Variants in NTM observed in about 807,000 individuals in gnomAD.
NTM encodes IgLON family member 2.
In NTM, 13 loss-of-function variants were observed where a neutral mutation model predicts 42.1. That is an observed-to-expected ratio of 0.31 (90% CI 0.20 to 0.49). NTM has a LOEUF of 0.49. Ranked by LOEUF, NTM falls within the 20% of genes least tolerant of loss-of-function variation. The pLI is 0.99. For missense variants in NTM, 373 were observed against 452.8 expected, an observed-to-expected ratio of 0.82 and a Z score of 1.60; for synonymous variants, 187 against 179.2, an observed-to-expected ratio of 1.04 and a Z score of -0.35.
At chr11:132,313,088 G>T (rs1449149271) in intron 6 of NTM, among the ~76,000 whole-genome samples, 1 of 152,176 alleles carries the variant, frequency 6.6e-6, no homozygotes, top group Non-Finnish European at 1.5e-5. Flanking sequence ...CAAGGTTACT[G>T]TAAGTTGCAG....
At chr11:131,736,180 C>T (rs2080409128) in intron 1 of NTM, among the ~76,000 whole-genome samples, 2 of 152,082 alleles carry the variant, frequency 1.3e-5, no homozygotes, top group Non-Finnish European at 2.9e-5. Flanking sequence ...GTGACTTGTC[C>T]AAAGTCACCT....
At chr11:132,300,564 G>A (rs567200625) in intron 4 of NTM, among the ~76,000 whole-genome samples, 1 of 152,172 alleles carries the variant, frequency 6.6e-6, no homozygotes, top group Non-Finnish European at 1.5e-5. Context: ...GCCTACAGAA[G>A]CTATCCTATG....
chr11:131,815,648 G>T (rs146575194), intron 1 of NTM, among the ~76,000 whole-genome samples: 12 of 151,944 alleles, frequency 7.9e-5, no homozygotes, highest in South Asian at 2.1e-4. Context: ...TGCTGCCCGC[G>T]CCTCTCCCCC....
intron 1 of NTM, among the ~76,000 whole-genome samples, chr11:131,867,868 T>C (rs1358325764): frequency 6.6e-6 from 1 of 152,142 alleles, no homozygotes; most frequent in Non-Finnish European, 1.5e-5. Context: ...CAGATGGAGC[T>C]GAAGGTACAG....
At chr11:131,870,905 T>C (rs1471954352) in intron 1 of NTM, among the ~76,000 whole-genome samples, 1 of 152,176 alleles carries the variant, frequency 6.6e-6, no homozygotes, top group Non-Finnish European at 1.5e-5. Flanking sequence ...AAAATAGTCC[T>C]ATTTCAGACC....
At chr11:131,578,883 AG>A in intron 1 of NTM, among the ~76,000 whole-genome samples, 1 of 152,320 alleles carries the variant, frequency 6.6e-6, no homozygotes, top group East Asian at 1.9e-4. Flanking sequence ...ATAAGGTTCA[AG>A]CAGAGTATCC....
At chr11:131,379,699 G>A (rs1942412005) in intron 1 of NTM, among the ~76,000 whole-genome samples, 1 of 152,178 alleles carries the variant, frequency 6.6e-6, no homozygotes, top group South Asian at 2.1e-4. Flanking sequence ...GACTGGTCTA[G>A]TTTTTCTACA....
intron 1 of NTM, among the ~76,000 whole-genome samples, chr11:131,798,803 T>C (rs1527779): frequency 0.72 from 109,960 of 151,694 alleles, 40,326 homozygotes; most frequent in East Asian, 0.8. Context: ...AGATGGATAA[T>C]AACCCTCTGT....
chr11:131,932,111 G>A (rs1008760585), intron 2 of NTM, among the ~76,000 whole-genome samples: 6 of 152,244 alleles, frequency 3.9e-5, no homozygotes, highest in Non-Finnish European at 5.9e-5. Context: ...TGCCAACCAT[G>A]TGCCAGGCAC....
At chr11:131,493,176 C>A (rs1954977801) in intron 1 of NTM, among the ~76,000 whole-genome samples, 1 of 152,002 alleles carries the variant, frequency 6.6e-6, no homozygotes. Context: ...GAGGTTGATG[C>A]CGTAGTGAGC....
chr11:131,614,312 A>C (rs1162422020), intron 1 of NTM, among the ~76,000 whole-genome samples: 1 of 152,208 alleles, frequency 6.6e-6, no homozygotes, highest in Non-Finnish European at 1.5e-5. Flanking sequence ...CCATGCCCAG[A>C]AGGGCCGTGC....
chr11:132,207,903 A>G (rs567170528), intron 3 of NTM, among the ~76,000 whole-genome samples: 81 of 152,336 alleles, frequency 5.3e-4, no homozygotes, highest in South Asian at 4.8e-3. Context: ...CTGTGTCACC[A>G]TACATTAGAA....
At chr11:132,062,982 G>A (rs1331843925) in intron 2 of NTM, among the ~76,000 whole-genome samples, 1 of 152,096 alleles carries the variant, frequency 6.6e-6, no homozygotes, top group East Asian at 1.9e-4. Flanking sequence ...GACTTTTTGG[G>A]CTCCTAGAGC....
At chr11:131,438,783 G>A (rs1171174404) in intron 1 of NTM, among the ~76,000 whole-genome samples, 1 of 152,164 alleles carries the variant, frequency 6.6e-6, no homozygotes, top group Non-Finnish European at 1.5e-5. Context: ...GGCTACTTCT[G>A]TCAGCTCATC....
chr11:131,438,475 C>T (rs1250289195), intron 1 of NTM, among the ~76,000 whole-genome samples: 3 of 152,118 alleles, frequency 2.0e-5, no homozygotes, highest in African/African-American at 2.4e-5. Flanking sequence ...AGACTTTGTT[C>T]GTTTCCTTTT....
chr11:131,418,590 G>A (rs746014833), intron 1 of NTM, among the ~76,000 whole-genome samples: 31 of 152,278 alleles, frequency 2.0e-4, no homozygotes, highest in Non-Finnish European at 4.0e-4. Flanking sequence ...GGGATTAGGG[G>A]CACCATGATT....
chr11:131,602,428 C>T (rs1002353916), intron 1 of NTM, among the ~76,000 whole-genome samples: 1 of 152,160 alleles, frequency 6.6e-6, no homozygotes, highest in Non-Finnish European at 1.5e-5. Flanking sequence ...AGTCGGTCTC[C>T]TCAATGCTTC....
intron 2 of NTM, among the ~76,000 whole-genome samples, chr11:131,953,530 A>C (rs1010559601): frequency 2.6e-5 from 4 of 152,218 alleles, no homozygotes; most frequent in Non-Finnish European, 5.9e-5. Flanking sequence ...TATTTGGGAA[A>C]AAATAGACAA....
At chr11:131,562,935 G>A (rs2056419545) in intron 1 of NTM, among the ~76,000 whole-genome samples, 1 of 152,138 alleles carries the variant, frequency 6.6e-6, no homozygotes, top group Admixed American at 6.5e-5. Flanking sequence ...ATATGCATGA[G>A]GTCTGCAGAC....
Sources: gnomAD v4.1 joint callset for allele counts (sites outside exome capture counted in the v4.1 genomes callset) on GRCh38, gnomAD v4.1.1 for gene constraint, MANE v1.5 for transcripts, NCBI Gene and HGNC (gene_info 2026-07-23, HGNC 2026-07-21) for gene names.